The following SYNE2 variants were observed in gnomAD, a reference collection of about 807,000 sequenced individuals.
The protein encoded by SYNE2 is nesprin-2.
In SYNE2, 431 loss-of-function variants were observed where a neutral mutation model predicts 856.3. That is an observed-to-expected ratio of 0.50 (90% CI 0.47 to 0.55). The LOEUF is 0.55. SYNE2 is among the 20% of genes least tolerant of loss of function. SYNE2 has a pLI of 0.00. For missense variants in SYNE2, 8,129 were observed against 8,023.2 expected (o/e 1.01, Z -0.50); for synonymous variants, 2,923 against 2,872.3 (o/e 1.02, Z -0.56).
intron 11 of SYNE2, among the ~76,000 whole-genome samples, chr14:63,972,842 G>C (rs1454577988): frequency 2.0e-5 from 3 of 152,224 alleles, no homozygotes; most frequent in African/African-American, 7.2e-5. Context: ...AGTTGAACTA[G>C]AGGTATTGCT....
At chr14:64,174,858 C>G in intron 94 of SYNE2, 86 bp from the exon 95 acceptor site, 12 of 1,273,976 alleles carry the variant, frequency 9.4e-6, no homozygotes, top group Non-Finnish European at 1.3e-5. Context: ...TTAAGAAAAG[C>G]TCTGAAGGAA....
intron 84 of SYNE2, among the ~76,000 whole-genome samples, chr14:64,148,998 T>C (rs527881910): frequency 6.6e-6 from 1 of 151,152 alleles, no homozygotes; most frequent in East Asian, 1.9e-4. Flanking sequence ...TTTTTTCCAC[T>C]ATTCTTTGCA....
chr14:64,059,031 G>A (rs1207341599), intron 49 of SYNE2, among the ~76,000 whole-genome samples: 2 of 151,890 alleles, frequency 1.3e-5, no homozygotes, highest in Non-Finnish European at 2.9e-5. Flanking sequence ...TTTCAATCAC[G>A]TTGTTAAACG....
At chr14:63,761,822 C>T (rs540480191), upstream of SYNE2, among the ~76,000 whole-genome samples, 24 of 152,320 alleles carry the variant, frequency 1.6e-4, no homozygotes, top group East Asian at 4.2e-3. Flanking sequence ...GCATCTACTA[C>T]AGTGAAAGTG....
At chr14:64,051,324 T>C (rs2097224370) in intron 47 of SYNE2, among the ~76,000 whole-genome samples, 1 of 151,896 alleles carries the variant, frequency 6.6e-6, no homozygotes. Flanking sequence ...TTTTTTTTTT[T>C]CACTCAAAGT....
chr14:63,770,059 G>C (rs958965413), intron 1 of SYNE2, among the ~76,000 whole-genome samples: 1 of 152,056 alleles, frequency 6.6e-6, no homozygotes. Flanking sequence ...GACCACAGGT[G>C]TGCCATCATG....
intron 80 of SYNE2, among the ~76,000 whole-genome samples, chr14:64,141,012 T>A (rs2098135076): frequency 6.6e-6 from 1 of 152,226 alleles, no homozygotes; most frequent in Non-Finnish European, 1.5e-5. Context: ...AACATTTTAA[T>A]TACAAACTTG....
At chr14:64,206,375 G>A (rs1197267536) in intron 100 of SYNE2, among the ~76,000 whole-genome samples, 3 of 152,086 alleles carry the variant, frequency 2.0e-5, no homozygotes, top group Non-Finnish European at 4.4e-5. Context: ...GGTTACTAGC[G>A]GTAGGATTAT....
Position 64,098,745 on chromosome 14 carries a change from A to G in SYNE2, c.12307-2A>G, listed in dbSNP as rs535952149. 11 of 1,613,956 alleles carry G rather than the reference A, an allele frequency of 6.8e-6. No individual in the cohort carries two copies. In the African/African-American group the frequency reaches 1.1e-4, roughly 16 times the overall value. ...CAGGTATTCTTGTGCTGTGCCTTTCAGTTGAACAGAAGAGGCTCCATGTCT... is the reference window on the plus strand; with the variant it reads ...CAGGTATTCTTGTGCTGTGCCTTTCGGTTGAACAGAAGAGGCTCCATGTCT... On this transcript the variant is annotated splice_acceptor_variant, in intron 62 of 115. Coordinates refer to ENST00000555002, the MANE Select transcript of SYNE2 (RefSeq NM_182914.3). LOFTEE classifies it high-confidence loss of function.
chr14:64,144,267 A>G (rs1209429050), intron 83 of SYNE2, among the ~76,000 whole-genome samples: 1 of 152,224 alleles, frequency 6.6e-6, no homozygotes, highest in East Asian at 1.9e-4. Flanking sequence ...ATGAAAGCAG[A>G]TGTTCAAAAG....
intron 8 of SYNE2, among the ~76,000 whole-genome samples, chr14:63,959,031 G>T (rs2096274911): frequency 6.6e-6 from 1 of 152,058 alleles, no homozygotes; most frequent in South Asian, 2.1e-4. Flanking sequence ...AGACGCTGCA[G>T]GCTCATCTTG....
chr14:64,134,320 A>G, intron 78 of SYNE2, 120 bp downstream of exon 78: 1 of 1,059,892 alleles, frequency 9.4e-7, no homozygotes, highest in Non-Finnish European at 1.5e-6. Context: ...TCATCATACA[A>G]CTCACTGTTG....
rs1397430510 is a variant in SYNE2 at position 64,051,496 on chromosome 14, C to A, written c.7644-61C>A. 2.1e-6 allele frequency: 3 copies of A among 1,426,834 alleles called. No individual in the cohort carries two copies. The East Asian group carries it at 7.3e-5, about 35-fold the overall frequency. The allele number at this position is 1,426,834 out of a possible 1,614,324, so 88.4% of individuals were successfully genotyped here. A position where few individuals can be genotyped will look rare whatever the true frequency, so the allele number is the denominator to read the frequency against. On this transcript the variant is annotated intron_variant, in intron 47 of 115. Transcript: ENST00000555002. ...TTAATTTCTTCTAATGATATTTATC[C>A]ACATTTTAATGTAGAATAAGCATTA...
chr14:64,106,919 T>A (rs1240970104), intron 64 of SYNE2, among the ~76,000 whole-genome samples: 3 of 152,208 alleles, frequency 2.0e-5, no homozygotes, highest in Non-Finnish European at 4.4e-5. Context: ...ATACAAGAAT[T>A]CTACTTATAT....
intron 26 of SYNE2, 91 bp from the exon 27 acceptor site, chr14:63,998,823 A>G: frequency 6.7e-7 from 1 of 1,497,108 alleles, no homozygotes; most frequent in Non-Finnish European, 9.2e-7. Flanking sequence ...TTGGCCTCCC[A>G]AAGTGCTAGG....
At chr14:63,949,688 G>A (rs1272710432) in intron 6 of SYNE2, 137 bp from the exon 7 acceptor site, 5 of 874,462 alleles carry the variant, frequency 5.7e-6, no homozygotes, top group Non-Finnish European at 7.6e-6. Context: ...TCAAGGATTT[G>A]CCCAGTATTC....
At chr14:63,909,772 C>T (rs2095450793) in intron 2 of SYNE2, among the ~76,000 whole-genome samples, 3 of 152,146 alleles carry the variant, frequency 2.0e-5, no homozygotes, top group Non-Finnish European at 4.4e-5. Flanking sequence ...ACCCGGGAGG[C>T]GGAGGTTGCA....
At chr14:63,891,657 G>T (rs1438991169) in intron 1 of SYNE2, among the ~76,000 whole-genome samples, 3 of 151,706 alleles carry the variant, frequency 2.0e-5, no homozygotes, top group East Asian at 3.9e-4. Context: ...TGACATTCTG[G>T]CCCCCTTTAC....
chr14:64,162,322 C>G (rs1243628213), intron 88 of SYNE2, 46 bp downstream of exon 88: 2 of 1,588,218 alleles, frequency 1.3e-6, no homozygotes, highest in Non-Finnish European at 1.7e-6. Context: ...GTCAGCCCAA[C>G]AGATGGGGTA....
Sources: gnomAD v4.1 joint callset for allele counts (sites outside exome capture counted in the v4.1 genomes callset) on GRCh38, gnomAD v4.1.1 for gene constraint, MANE v1.5 for transcripts, NCBI Gene and HGNC (gene_info 2026-07-23, HGNC 2026-07-21) for gene names.